ANKDD1B: variants seen among roughly 807,000 people sequenced by gnomAD.
ANKDD1B encodes the protein ankyrin repeat and death domain containing 1B, also known as ankyrin repeat and death domain-containing protein 1B.
Under a neutral mutation model 59.7 loss-of-function variants are expected in ANKDD1B, and 57 were observed. The ratio of observed to expected loss-of-function variants is 0.95; its 90% CI spans 0.77 to 1.19. ANKDD1B has a LOEUF of 1.19. Ranked by LOEUF, ANKDD1B falls within the 50% of genes most tolerant of loss-of-function variation. The pLI is 0.00. For missense variants in ANKDD1B, 602 were observed against 641.9 expected (o/e 0.94, Z 0.67); for synonymous variants, 216 against 239.5 (o/e 0.90, Z 0.91).
At chr5:75,650,990 TGCCTCAGCCTACA>T (rs1774814586) in intron 7 of ANKDD1B, among the ~76,000 whole-genome samples, 1 of 152,240 alleles carries the variant, frequency 6.6e-6, no homozygotes, top group African/African-American at 2.4e-5. Context: ...CCTCACCATG[TGCCTCAGCCTACA>T]GCCTGGGAAC....
intron 7 of ANKDD1B, among the ~76,000 whole-genome samples, chr5:75,638,846 A>G (rs1774386351): frequency 6.6e-6 from 1 of 152,172 alleles, no homozygotes; most frequent in Non-Finnish European, 1.5e-5. Context: ...GTTCCTCTGC[A>G]TATATGTACA....
intron 7 of ANKDD1B, among the ~76,000 whole-genome samples, chr5:75,650,014 GT>G (rs112868555): frequency 1.7e-3 from 261 of 152,288 alleles, no homozygotes; most frequent in African/African-American, 5.5e-3. Flanking sequence ...TAAAATAATA[GT>G]TACGGTTACC....
chr5:75,615,668 CTGTGTGTGTGTGTG>C (rs113185824), intron 1 of ANKDD1B, among the ~76,000 whole-genome samples: 12 of 144,330 alleles, frequency 8.3e-5, no homozygotes, highest in South Asian at 2.3e-4. Flanking sequence ...CTGGTCTTCC[CTGTGTGTGTGTGTG>C]TGTGTGTGTG....
At chr5:75,623,057 A>G (rs567575888) in intron 3 of ANKDD1B, among the ~76,000 whole-genome samples, 2 of 152,048 alleles carry the variant, frequency 1.3e-5, no homozygotes, top group South Asian at 2.1e-4. Context: ...GTGATTTGTC[A>G]CCTGTCTCAA....
chr5:75,620,635 T>C (rs1031176430), intron 3 of ANKDD1B, among the ~76,000 whole-genome samples: 8 of 152,214 alleles, frequency 5.3e-5, no homozygotes, highest in Admixed American at 1.3e-4. Flanking sequence ...TTTTGCTTAT[T>C]TTCTCATATT....
At chr5:75,619,899 G>A (rs1479210081) in intron 2 of ANKDD1B, among the ~76,000 whole-genome samples, 1 of 152,136 alleles carries the variant, frequency 6.6e-6, no homozygotes, top group African/African-American at 2.4e-5. Context: ...GAACGAACAC[G>A]AGTGGATTGA....
At chr5:75,633,847 T>G (rs541583923) in intron 5 of ANKDD1B, among the ~76,000 whole-genome samples, 1 of 152,296 alleles carries the variant, frequency 6.6e-6, no homozygotes, top group South Asian at 2.1e-4. Flanking sequence ...ATGAATGGCT[T>G]GGTGACATTC....
intron 1 of ANKDD1B, among the ~76,000 whole-genome samples, chr5:75,614,214 CA>C (rs1409389646): frequency 6.6e-6 from 1 of 152,164 alleles, no homozygotes; most frequent in East Asian, 1.9e-4. Context: ...GCATTTGTGT[CA>C]GTTCTCCAAG....
At chr5:75,661,470 A>G (rs955639556) in intron 10 of ANKDD1B, among the ~76,000 whole-genome samples, 1 of 151,800 alleles carries the variant, frequency 6.6e-6, no homozygotes, top group Non-Finnish European at 1.5e-5. Context: ...AGAAAAGCTT[A>G]AGGAGGAAAA....
chr5:75,614,570 C>G (rs979612538), intron 1 of ANKDD1B, among the ~76,000 whole-genome samples: 1 of 152,162 alleles, frequency 6.6e-6, no homozygotes, highest in Admixed American at 6.5e-5. Flanking sequence ...CATCTTGTAA[C>G]CCCTTCATTT....
rs757846687 is a variant in ANKDD1B, at chr5:75,635,787, G to A, written c.703G>A (p.Gly235Arg). ...NLHTSEKDKG[G>R]NTALHLAAKH... ...GTCGAGTGTGTCTCTGTTGCAGGGG[G>A]GAAACACTGCCTTGCACCTCGCTGC... The change falls in exon 7 of 14, where the codon GGA becomes AGA. Residue 235 changes from glycine to arginine, a missense_variant. Physicochemically the swap from Gly to Arg is moderately radical, Grantham distance 125 (BLOSUM62 -2). Around this residue, in one of 3 missense-constraint regions of ANKDD1B, gnomAD observed 317 missense variants for 304.6 expected, o/e 1.04. Transcript: ENST00000601380. 2 of 1,527,796 alleles carry A rather than the reference G, an allele frequency of 1.3e-6. No individual in the cohort carries two copies. Among genetic ancestry groups the A allele is most frequent in the African/African-American group, 1.4e-5 (1 of 72,872 alleles). 94.6% of individuals were successfully genotyped at this position (1,527,796 alleles called of 1,614,324 possible). A position where few individuals can be genotyped will look rare whatever the true frequency, so the allele number is the denominator to read the frequency against.
chr5:75,667,296 A>G (rs1775336741), intron 12 of ANKDD1B, among the ~76,000 whole-genome samples: 1 of 152,258 alleles, frequency 6.6e-6, no homozygotes, highest in Non-Finnish European at 1.5e-5. Context: ...CTGGACGGTC[A>G]CTAAGGAAGC....
chr5:75,620,221 A>C, intron 2 of ANKDD1B, 94 bp from the exon 3 acceptor site: 2 of 605,136 alleles, frequency 3.3e-6, no homozygotes, highest in Non-Finnish European at 5.7e-6. Context: ...AAATAGAAAC[A>C]CTTGATAGAA....
At position 75,620,372 on chromosome 5, in the gene ANKDD1B, T is replaced by G; in HGVS notation, c.355T>G (p.Phe119Val). The G allele has an allele frequency of 2.6e-6, 4 of 1,535,680 alleles. No individual in the cohort carries two copies. Among genetic ancestry groups the G allele is most frequent in the Non-Finnish European group, 3.5e-6 (4 of 1,146,542 alleles). The change falls in exon 3 of 14, where the codon TTC (phenylalanine) becomes GTC (valine). Residue 119 changes from phenylalanine (F) to valine (V), a missense_variant. By Grantham distance (50) the Phe-to-Val change is conservative. Coordinates refer to ENST00000601380, the MANE Select transcript of ANKDD1B (RefSeq NM_001276713.2). ...GAGAAATCATTTATCTGCAGTGGAT[T>G]TCTTGCTTAAACACAAGGCCAGGGT... ...VGRNHLSAVDFLLKHKARVDV... is the reference protein window; with the variant it reads ...VGRNHLSAVDVLLKHKARVDV...
At chr5:75,663,884 C>T (rs1409059701) in intron 11 of ANKDD1B, among the ~76,000 whole-genome samples, 1 of 152,238 alleles carries the variant, frequency 6.6e-6, no homozygotes, top group African/African-American at 2.4e-5. Flanking sequence ...TTTCAACACA[C>T]CGCTGTGCAG....
intron 10 of ANKDD1B, among the ~76,000 whole-genome samples, chr5:75,660,852 G>GCTACAT (rs1351825563): frequency 1.3e-5 from 2 of 152,132 alleles, no homozygotes; most frequent in Non-Finnish European, 2.9e-5. Context: ...GTCATCTGGT[G>GCTACAT]CTTTGCTACA....
chr5:75,612,034 C>T (rs1773574305), intron 1 of ANKDD1B, among the ~76,000 whole-genome samples: 1 of 152,284 alleles, frequency 6.6e-6, no homozygotes, highest in African/African-American at 2.4e-5. Context: ...CCACCATGTA[C>T]TGTGGGTGGA....
intron 7 of ANKDD1B, among the ~76,000 whole-genome samples, chr5:75,650,144 C>G (rs1033454989): frequency 6.6e-6 from 1 of 152,144 alleles, no homozygotes; most frequent in Non-Finnish European, 1.5e-5. Context: ...TCGCAATTCC[C>G]GGAACCTGTG....
intron 8 of ANKDD1B, among the ~76,000 whole-genome samples, chr5:75,654,832 G>T (rs1350922370): frequency 6.6e-6 from 1 of 152,048 alleles, no homozygotes; most frequent in Admixed American, 6.5e-5. Context: ...CCTCGTAGGC[G>T]CCTGTTCCCT....
Sources: gnomAD v4.1 joint callset for allele counts (sites outside exome capture counted in the v4.1 genomes callset) on GRCh38, gnomAD v4.1.1 for gene constraint, gnomAD v4.1.1 regional missense constraint, MANE v1.5 for transcripts, NCBI Gene and HGNC (gene_info 2026-07-23, HGNC 2026-07-21) for gene names.